Variants in BBS9 observed in about 807,000 individuals in gnomAD.
BBS9 encodes the protein Bardet-Biedl syndrome 9.
BBS9 carries 89 observed loss-of-function variants against 117.7 expected under a neutral mutation model. The observed-to-expected ratio is 0.76, with a 90% CI of 0.64 to 0.90. The LOEUF is 0.90. BBS9 is among the 40% of genes least tolerant of loss of function. The pLI is 0.00. For missense variants in BBS9, 982 were observed against 1,042.2 expected (o/e 0.94, Z 0.80); for synonymous variants, 379 against 370.9 (o/e 1.02, Z -0.25).
intron 21 of BBS9, among the ~76,000 whole-genome samples, chr7:33,601,379 G>C (rs935778493): frequency 5.3e-5 from 8 of 152,046 alleles, no homozygotes; most frequent in Admixed American, 2.6e-4. Flanking sequence ...TGGACTCTAA[G>C]CCAAGGGTAC....
chr7:33,283,453 G>A (rs377407707), intron 9 of BBS9, among the ~76,000 whole-genome samples: 1 of 150,756 alleles, frequency 6.6e-6, no homozygotes, highest in Non-Finnish European at 1.5e-5. Flanking sequence ...TTTTCATGTC[G>A]CTTATCCATG....
chr7:33,499,662 G>C (rs993646441), intron 19 of BBS9, among the ~76,000 whole-genome samples: 1 of 152,142 alleles, frequency 6.6e-6, no homozygotes, highest in Non-Finnish European at 1.5e-5. Flanking sequence ...TCATAGTGAC[G>C]TTTCTTGGGT....
downstream of BBS9, among the ~76,000 whole-genome samples, chr7:33,610,002 A>G (rs1864776248): frequency 6.6e-6 from 1 of 152,060 alleles, no homozygotes; most frequent in Admixed American, 6.6e-5. Context: ...GACAGGCAGA[A>G]GAGACAGTAG....
At position 33,203,684 on chromosome 7, in the gene BBS9, CTTAT is replaced by C. The variant is rs545269466; in HGVS notation, c.442+26104_442+26107del. Among the ~76,000 whole-genome samples the C allele has an allele frequency of 2.6e-3, 390 of 151,448 alleles. 1 individual carries two copies. The highest frequency in any genetic ancestry group is 4.2e-3 in the Non-Finnish European group (286 of 67,910). On this transcript the variant is annotated intron_variant, in intron 5 of 22. Transcript: ENST00000242067. ...TAACAAGTATTAGAAATTAACCATC[CTTAT>C]TTATTTATTTTTACGATATTGGAAC...
At chr7:33,612,324 A>C (rs1864923223) in intron 21 of BBS9, among the ~76,000 whole-genome samples, 1 of 152,076 alleles carries the variant, frequency 6.6e-6, no homozygotes, top group African/African-American at 2.4e-5. Context: ...TCCAGACTTT[A>C]ATCACATGAG....
Position 33,361,247 on chromosome 7 carries a change from G to A in BBS9, c.1693+3252G>A, listed in dbSNP as rs555407639. 5.3e-5 allele frequency among the ~76,000 whole-genome samples: 8 copies of A among 152,210 alleles called. 1 individual carries two copies. The East Asian group carries it at 1.5e-3, about 29-fold the overall frequency. On this transcript the variant is annotated intron_variant, in intron 16 of 22. Coordinates refer to ENST00000242067, the MANE Select transcript of BBS9 (RefSeq NM_198428.3). ...ATCAATGTATGTCACAATACCAGTA[G>A]TTTTATACAAAAATTTTACTTAAAT...
intron 19 of BBS9, among the ~76,000 whole-genome samples, chr7:33,459,928 T>C (rs1839208810): frequency 6.6e-6 from 1 of 152,142 alleles, no homozygotes; most frequent in Non-Finnish European, 1.5e-5. Flanking sequence ...ACCCAAGTAA[T>C]ATTGAAATTC....
At chr7:33,454,177 CT>C (rs546466579) in intron 19 of BBS9, among the ~76,000 whole-genome samples, 118 of 152,204 alleles carry the variant, frequency 7.8e-4, no homozygotes, top group Non-Finnish European at 1.2e-3. Context: ...TGAGAATCTA[CT>C]AATTTGGGAT....
rs184653807 is a variant in BBS9, at chr7:33,204,347, C to T, written c.442+26756C>T. Among the ~76,000 whole-genome samples, 325 of 147,568 alleles carry T rather than the reference C, an allele frequency of 2.2e-3. 2 individuals carry two copies. The highest frequency in any genetic ancestry group is 3.4e-3 in the Non-Finnish European group (228 of 67,524). ...ACTTGAACCTGGGAGGCAGAGGTTG[C>T]AGTGAGTCGAGATAACACCACTGCA... On this transcript the variant is annotated intron_variant, in intron 5 of 22. Transcript: ENST00000242067.
At chr7:33,378,905 G>A (rs559067475) in intron 17 of BBS9, among the ~76,000 whole-genome samples, 1 of 152,274 alleles carries the variant, frequency 6.6e-6, no homozygotes, top group South Asian at 2.1e-4. Flanking sequence ...TGCTATTGGT[G>A]TTCTGCTGAG....
intron 21 of BBS9, among the ~76,000 whole-genome samples, chr7:33,534,681 G>A (rs1851094102): frequency 6.6e-6 from 1 of 152,130 alleles, no homozygotes. Context: ...GCACCCATGG[G>A]CCAGCAAGGA....
At chr7:33,164,401 C>T (rs1024973880) in intron 4 of BBS9, among the ~76,000 whole-genome samples, 52 of 152,204 alleles carry the variant, frequency 3.4e-4, no homozygotes, top group African/African-American at 9.4e-4. Flanking sequence ...CTTTCTGTCT[C>T]GTTGATCTGT....
chr7:33,566,298 A>AT (rs34089385), intron 21 of BBS9, among the ~76,000 whole-genome samples: 151,907 of 151,910 alleles, frequency 1, 75,952 homozygotes, highest in Middle Eastern at 1. Flanking sequence ...TTTGAAAGAT[A>AT]TGCATGTAAT....
chr7:33,383,790 A>T lies in BBS9; in HGVS notation c.1914A>T (p.Gly638=), dbSNP rs760143012. 6.2e-7 allele frequency: 1 copy of T among 1,612,808 alleles called. No individual in the cohort carries two copies. The highest frequency in any genetic ancestry group is 1.7e-5 in the Admixed American group (1 of 59,992). ...AAGATTTTGCATGTTCTTTTTCGGGATCTATACCCCTTCAAGAATATTTTG... is the reference window on the plus strand; with the variant it reads ...AAGATTTTGCATGTTCTTTTTCGGGTTCTATACCCCTTCAAGAATATTTTG... ...GVKDFACSFS[G]SIPLQEYFEL... Residue 638 remains glycine, a synonymous_variant, in exon 18 of 23, where the codon GGA becomes GGT. Transcript: ENST00000242067.
At chr7:33,435,806 G>A (rs534057940) in intron 19 of BBS9, among the ~76,000 whole-genome samples, 1 of 152,146 alleles carries the variant, frequency 6.6e-6, no homozygotes, top group African/African-American at 2.4e-5. Context: ...GTGTTCTCTT[G>A]TGACACTGAG....
intron 5 of BBS9, among the ~76,000 whole-genome samples, chr7:33,204,481 G>A (rs1786535133): frequency 6.6e-6 from 1 of 151,452 alleles, no homozygotes; most frequent in African/African-American, 2.4e-5. Flanking sequence ...AACAAATAAT[G>A]AAGCACACAG....
chr7:33,496,995 A>G (rs1844820721), intron 19 of BBS9, among the ~76,000 whole-genome samples: 1 of 152,164 alleles, frequency 6.6e-6, no homozygotes, highest in South Asian at 2.1e-4. Context: ...TTGGAATTGC[A>G]GCAAATGCCA....
intron 5 of BBS9, among the ~76,000 whole-genome samples, chr7:33,242,755 T>C (rs151191789): frequency 4.5e-4 from 69 of 152,288 alleles, no homozygotes; most frequent in African/African-American, 1.4e-3. Flanking sequence ...ATTTTATATT[T>C]AAATTAGATG....
At chr7:33,525,687 C>T (rs1462778557) in intron 20 of BBS9, among the ~76,000 whole-genome samples, 3 of 128,952 alleles carry the variant, frequency 2.3e-5, no homozygotes, top group South Asian at 3.0e-4. Flanking sequence ...ACTGATGGGT[C>T]TTGACTCTTT....
Sources: allele counts gnomAD v4.1 joint callset (sites outside exome capture counted in the v4.1 genomes callset), GRCh38; gene constraint gnomAD v4.1.1; transcripts MANE v1.5; gene names NCBI Gene and HGNC (gene_info 2026-07-23, HGNC 2026-07-21).